Variants in CCDC141 observed in about 807,000 individuals in gnomAD.
The protein encoded by CCDC141 is coiled-coil domain containing 141.
Under a neutral mutation model 181.0 loss-of-function variants are expected in CCDC141, and 168 were observed. That is an observed-to-expected ratio of 0.93 (90% confidence interval 0.82 to 1.05). The LOEUF is 1.05. Ranked by LOEUF, CCDC141 falls within the 50% of genes least tolerant of loss-of-function variation. The pLI is 0.00. For missense variants in CCDC141, 1,902 were observed against 1,788.5 expected, an observed-to-expected ratio of 1.06 and a Z score of -1.14; for synonymous variants, 666 against 642.3, an observed-to-expected ratio of 1.04 and a Z score of -0.56.
intron 6 of CCDC141, among the ~76,000 whole-genome samples, chr2:178,938,373 T>C (rs1272580431): frequency 6.6e-6 from 1 of 152,078 alleles, no homozygotes; most frequent in Non-Finnish European, 1.5e-5. Context: ...CTCAGGAGCA[T>C]GTTGTTTAAT....
intron 2 of CCDC141, among the ~76,000 whole-genome samples, chr2:179,023,825 G>A (rs2154386029): frequency 6.6e-6 from 1 of 152,338 alleles, no homozygotes; most frequent in South Asian, 2.1e-4. Context: ...TACCCACAGA[G>A]AGTCTTATCT....
intron 2 of CCDC141, among the ~76,000 whole-genome samples, chr2:179,007,099 TAAAGTCTGG>T (rs1450179438): frequency 6.6e-6 from 1 of 152,194 alleles, no homozygotes; most frequent in Admixed American, 6.5e-5. Flanking sequence ...GGAAAATGAT[TAAAGTCTGG>T]AAAATCAGGT....
In CCDC141 at chr2:178,905,369, G is replaced by A. The variant is rs143025382; in HGVS notation, c.1225C>T (p.Gln409Ter). Reference sequence around the variant, plus strand: ...TGGCTGATTAAGGTTTGTCCCTTTTGCAAAGCATCAGTTGTGCAGTCTTTA... The same window carrying A: ...TGGCTGATTAAGGTTTGTCCCTTTTACAAAGCATCAGTTGTGCAGTCTTTA... ...KIKDCTTDALQKGQTLISQVD... is the reference protein window; with the variant it reads ...KIKDCTTDAL The change falls in exon 8 of 24, where the codon CAA becomes TAA. Residue 409 changes from glutamine (Q) to a stop codon, truncating the protein, a stop_gained. Transcript: ENST00000443758. LOFTEE classifies it high-confidence loss of function. 216 of 1,550,150 alleles carry A rather than the reference G, an allele frequency of 1.4e-4. 1 individual carries two copies. In the East Asian group the frequency reaches 5.1e-3, roughly 36 times the overall value.
the CCDC141 span, among the ~76,000 whole-genome samples, chr2:178,818,650 TACC>T: frequency 9.2e-5 from 14 of 152,368 alleles, no homozygotes; most frequent in Middle Eastern, 0.01. Flanking sequence ...GGTGTATATG[TACC>T]ACATTTTCTT....
chr2:178,995,238 C>T (rs1692229299), intron 2 of CCDC141, among the ~76,000 whole-genome samples: 2 of 152,218 alleles, frequency 1.3e-5, no homozygotes, highest in South Asian at 2.1e-4. Context: ...CACAGTTCCA[C>T]CTGTTCGGAG....
intron 2 of CCDC141, among the ~76,000 whole-genome samples, chr2:179,020,450 G>A (rs748895058): frequency 6.6e-6 from 1 of 152,088 alleles, no homozygotes; most frequent in Non-Finnish European, 1.5e-5. Flanking sequence ...GACCACGTTG[G>A]CTGTGATATG....
chr2:178,895,981 G>A (rs1172120767), intron 8 of CCDC141, among the ~76,000 whole-genome samples: 1 of 152,156 alleles, frequency 6.6e-6, no homozygotes, highest in South Asian at 2.1e-4. Context: ...AGGTAAAAAA[G>A]AGGTTTCTTG....
chr2:179,032,126 T>G (rs1210251186), intron 2 of CCDC141, among the ~76,000 whole-genome samples: 2 of 152,074 alleles, frequency 1.3e-5, no homozygotes, highest in African/African-American at 4.8e-5. Context: ...GAAACCCCCC[T>G]TACTGGTTCT....
At chr2:178,881,921 A>T (rs200678954) in intron 11 of CCDC141, among the ~76,000 whole-genome samples, 29,034 of 104,300 alleles carry the variant, frequency 0.28, 3,407 homozygotes, top group East Asian at 0.57. Context: ...TCTCTCACAC[A>T]CACACACACA....
At chr2:178,882,558 A>C (rs773148929) in intron 11 of CCDC141, among the ~76,000 whole-genome samples, 21 of 152,272 alleles carry the variant, frequency 1.4e-4, no homozygotes, top group Non-Finnish European at 2.6e-4. Context: ...TTTGGAAGTC[A>C]AGGCCATTAT....
intron 2 of CCDC141, among the ~76,000 whole-genome samples, chr2:179,029,246 T>C (rs1263456413): frequency 6.6e-6 from 1 of 152,232 alleles, no homozygotes; most frequent in Admixed American, 6.5e-5. Context: ...GCATTTTGTA[T>C]ATAGTCTTCC....
chr2:178,884,811 A>T, intron 11 of CCDC141, 90 bp downstream of exon 11: 1 of 1,032,332 alleles, frequency 9.7e-7, no homozygotes, highest in Non-Finnish European at 1.4e-6. Context: ...ATATGGACCT[A>T]CCCACCAAGG....
downstream of CCDC141, among the ~76,000 whole-genome samples, chr2:178,825,871 T>C (rs1284595049): frequency 6.6e-6 from 1 of 152,058 alleles, no homozygotes; most frequent in Non-Finnish European, 1.5e-5. Flanking sequence ...GTTCCAAGAG[T>C]TTTTTGTAGA....
chr2:178,891,300 G>A (rs1276025498), intron 8 of CCDC141, among the ~76,000 whole-genome samples: 7 of 152,108 alleles, frequency 4.6e-5, no homozygotes, highest in Non-Finnish European at 7.3e-5. Context: ...CCTGTGAGCT[G>A]AGTAGGATTG....
intron 7 of CCDC141, among the ~76,000 whole-genome samples, chr2:178,916,244 T>C (rs1688441356): frequency 6.6e-6 from 1 of 152,180 alleles, no homozygotes; most frequent in South Asian, 2.1e-4. Flanking sequence ...AAACTGAACA[T>C]AGCTTTTCAC....
At chr2:178,973,928 G>C (rs1691009765) in intron 4 of CCDC141, among the ~76,000 whole-genome samples, 1 of 152,032 alleles carries the variant, frequency 6.6e-6, no homozygotes, top group Non-Finnish European at 1.5e-5. Flanking sequence ...TATAATAATG[G>C]GCAACTGTTG....
At chr2:179,008,276 T>C (rs535727907) in intron 2 of CCDC141, among the ~76,000 whole-genome samples, 106 of 152,328 alleles carry the variant, frequency 7.0e-4, no homozygotes, top group African/African-American at 2.4e-3. Flanking sequence ...CATTCATTTA[T>C]CAAATACTTG....
At chr2:179,015,103 T>TAA (rs372075311) in intron 2 of CCDC141, among the ~76,000 whole-genome samples, 2 of 28,212 alleles carry the variant, frequency 7.1e-5, no homozygotes, top group African/African-American at 1.8e-4. Context: ...TATATATATA[T>TAA]AATATATATA....
At chr2:179,029,616 T>C (rs1170868414) in intron 2 of CCDC141, among the ~76,000 whole-genome samples, 3 of 152,186 alleles carry the variant, frequency 2.0e-5, no homozygotes, top group Non-Finnish European at 4.4e-5. Flanking sequence ...CATAGTTACA[T>C]ATTGGATCCA....
Sources: allele counts gnomAD v4.1 joint callset (sites outside exome capture counted in the v4.1 genomes callset), GRCh38; gene constraint gnomAD v4.1.1; transcripts MANE v1.5; gene names NCBI Gene and HGNC (gene_info 2026-07-23, HGNC 2026-07-21).